The following KCNQ3 variants were observed in gnomAD, a reference collection of about 807,000 sequenced individuals.
KCNQ3 encodes potassium voltage-gated channel subfamily KQT member 3.
A neutral mutation model predicts 92.5 loss-of-function variants in KCNQ3; 30 were observed. That is an observed-to-expected ratio of 0.32 (90% CI 0.24 to 0.44). The LOEUF (loss-of-function observed/expected upper bound fraction) is 0.44. Among genes scored for constraint, KCNQ3 ranks in the 20% least tolerant of loss-of-function variants. The probability of loss-of-function intolerance (pLI) is 1.00; values close to 1 mark genes in which losing one functional copy is unlikely to be tolerated. For synonymous variants in KCNQ3, 450 were observed against 468.8 expected (o/e 0.96, Z 0.52); for missense variants, 913 against 1,140.3 (o/e 0.80, Z 2.87).
At chr8:132,138,279 T>C (rs1212326884) in intron 11 of KCNQ3, among the ~76,000 whole-genome samples, 1 of 152,220 alleles carries the variant, frequency 6.6e-6, no homozygotes, top group African/African-American at 2.4e-5. Context: ...GAGCATTCAC[T>C]GTATGCCAGA....
intron 1 of KCNQ3, among the ~76,000 whole-genome samples, chr8:132,274,084 C>T (rs1345538670): frequency 6.6e-6 from 1 of 152,200 alleles, no homozygotes; most frequent in East Asian, 1.9e-4. Flanking sequence ...TTTTCAGCAG[C>T]ACCCCACTCT....
At chr8:132,199,315 C>T (rs932662307) in intron 1 of KCNQ3, among the ~76,000 whole-genome samples, 1 of 152,146 alleles carries the variant, frequency 6.6e-6, no homozygotes, top group Admixed American at 6.5e-5. Flanking sequence ...GAGCATATCC[C>T]CCAATTAATA....
At position 132,197,013 on chromosome 8, in the gene KCNQ3, A is replaced by ATT. The variant is rs200485313; in HGVS notation, c.387-10834_387-10833dup. ...GACTGTGTTCCACCATGTCTCATGG[A>ATT]TTTTTTTTTTTTTTTTGCCATTTTA... On this transcript the variant is annotated intron_variant, in intron 1 of 14. Coordinates refer to ENST00000388996, the MANE Select transcript of KCNQ3 (RefSeq NM_004519.4). Among the ~76,000 whole-genome samples the ATT allele has an allele frequency of 4.9e-3, 676 of 139,050 alleles. 3 individuals are homozygous for ATT. Among genetic ancestry groups the ATT allele is most frequent in the African/African-American group, 0.016 (592 of 38,186 alleles). The allele number at this position is 139,050 out of a possible 152,430, so 91.2% of individuals were successfully genotyped here.
chr8:132,410,321 A>C (rs973324280), intron 1 of KCNQ3, among the ~76,000 whole-genome samples: 3 of 152,194 alleles, frequency 2.0e-5, no homozygotes, highest in Non-Finnish European at 4.4e-5. Context: ...TCCTAAAGGG[A>C]GAGGTAAATT....
At chr8:132,364,722 C>T (rs919028318) in intron 1 of KCNQ3, among the ~76,000 whole-genome samples, 1 of 119,032 alleles carries the variant, frequency 8.4e-6, no homozygotes, top group South Asian at 2.7e-4. Flanking sequence ...GATGGATGGA[C>T]GATGAATGGA....
At chr8:132,134,870 T>G (rs1405135363) in intron 12 of KCNQ3, among the ~76,000 whole-genome samples, 1 of 152,054 alleles carries the variant, frequency 6.6e-6, no homozygotes, top group Non-Finnish European at 1.5e-5. Context: ...CTAGGCTACA[T>G]ATTCAGCTGC....
intron 1 of KCNQ3, among the ~76,000 whole-genome samples, chr8:132,428,816 C>T (rs1010352741): frequency 1.3e-5 from 2 of 152,136 alleles, no homozygotes; most frequent in Non-Finnish European, 2.9e-5. Context: ...ATTAAGCATC[C>T]ATTGTTTGGG....
chr8:132,168,949 G>A (rs553169551), intron 8 of KCNQ3, among the ~76,000 whole-genome samples: 1 of 151,954 alleles, frequency 6.6e-6, no homozygotes, highest in African/African-American at 2.4e-5. Flanking sequence ...CAAGTCAAGG[G>A]TTCTAGGAGT....
intron 1 of KCNQ3, among the ~76,000 whole-genome samples, chr8:132,452,137 G>A (rs1312694735): frequency 6.6e-6 from 1 of 152,162 alleles, no homozygotes; most frequent in Non-Finnish European, 1.5e-5. Context: ...ATGCAATTCA[G>A]TGGCATTAAC....
chr8:132,454,471 C>T (rs72721088), intron 1 of KCNQ3, among the ~76,000 whole-genome samples: 15,377 of 152,228 alleles, frequency 0.1, 839 homozygotes, highest in African/African-American at 0.15. Flanking sequence ...TATTCTCCTA[C>T]ATTCTTTTTT....
At chr8:132,447,382 A>G in intron 1 of KCNQ3, 2 of 758,866 alleles carry the variant, frequency 2.6e-6, no homozygotes, top group Non-Finnish European at 4.4e-6. Context: ...ACAGATGTGG[A>G]GAAGACACTG....
chr8:132,429,946 C>T (rs1181550655), intron 1 of KCNQ3, among the ~76,000 whole-genome samples: 1 of 152,020 alleles, frequency 6.6e-6, no homozygotes. Flanking sequence ...AGACCACTTC[C>T]AGAATCAAGT....
chr8:132,434,207 CAA>C (rs546958236), intron 1 of KCNQ3, among the ~76,000 whole-genome samples: 29,955 of 130,266 alleles, frequency 0.23, 3,267 homozygotes, highest in African/African-American at 0.28. Flanking sequence ...GACTCCGTCT[CAA>C]AAAAAAAAAA....
At chr8:132,184,505 T>TG in intron 2 of KCNQ3, 138 bp from the exon 3 acceptor site, 20 of 546,682 alleles carry the variant, frequency 3.7e-5, no homozygotes, top group Middle Eastern at 3.1e-4. Flanking sequence ...TGGCTGGGGA[T>TG]GGGGGTGGGG....
At chr8:132,461,110 T>C (rs1262749248) in intron 1 of KCNQ3, among the ~76,000 whole-genome samples, 1 of 152,250 alleles carries the variant, frequency 6.6e-6, no homozygotes, top group Non-Finnish European at 1.5e-5. Context: ...GTTTATTGTA[T>C]GGATGTACAA....
intron 1 of KCNQ3, among the ~76,000 whole-genome samples, chr8:132,255,565 C>A (rs902000947): frequency 1.3e-5 from 2 of 152,158 alleles, no homozygotes; most frequent in Non-Finnish European, 2.9e-5. Context: ...AATAAAGACC[C>A]GAGAGAGCCC....
At chr8:132,299,314 A>C (rs1017137403) in intron 1 of KCNQ3, among the ~76,000 whole-genome samples, 3 of 152,102 alleles carry the variant, frequency 2.0e-5, no homozygotes, top group African/African-American at 7.2e-5. Flanking sequence ...TTTTCCCCCC[A>C]AAAATTGTTT....
At chr8:132,275,321 C>A (rs576177450) in intron 1 of KCNQ3, among the ~76,000 whole-genome samples, 11 of 152,232 alleles carry the variant, frequency 7.2e-5, no homozygotes, top group Admixed American at 5.9e-4. Context: ...TGAATAATTG[C>A]TATTATTTAA....
rs1406177876 is a variant in KCNQ3 at position 132,145,083 on chromosome 8, T to G, written c.1263-3752A>C. On this transcript the variant is annotated intron_variant, in intron 9 of 14. Transcript: ENST00000388996. ...CTGATATAATAATGGGGAGCACTAT[T>G]GCCATCTAGTGGGGAGAAGCCAGGG... is the stretch of plus-strand genomic sequence containing the variant. Among the ~76,000 whole-genome samples, 3 of 152,220 alleles carry G rather than the reference T, an allele frequency of 2.0e-5. No individual in the cohort carries two copies. The East Asian group carries it at 5.8e-4, about 29-fold the overall frequency.
Sources: gnomAD v4.1 joint callset for allele counts (sites outside exome capture counted in the v4.1 genomes callset) on GRCh38, gnomAD v4.1.1 for gene constraint, MANE v1.5 for transcripts, NCBI Gene and HGNC (gene_info 2026-07-23, HGNC 2026-07-21) for gene names.